PDLIM5: variants seen among roughly 807,000 people sequenced by gnomAD.
PDLIM5 encodes the protein PDZ and LIM domain 5, also known as PDZ and LIM domain protein 5.
PDLIM5 carries 34 observed loss-of-function variants against 64.2 expected under a neutral mutation model. That is an observed-to-expected ratio of 0.53 (90% CI 0.40 to 0.71). PDLIM5 has a LOEUF of 0.71. Ranked by LOEUF, PDLIM5 falls within the 30% of genes least tolerant of loss-of-function variation. The pLI is 0.00. For synonymous variants in PDLIM5, 253 were observed against 269.1 expected, an observed-to-expected ratio of 0.94 and a Z score of 0.59; for missense variants, 683 against 733.6, an observed-to-expected ratio of 0.93 and a Z score of 0.80.
rs117185018 is a variant in PDLIM5 at position 94,521,591 on chromosome 4, G to C, written c.97-2133G>C. Among the ~76,000 whole-genome samples the C allele has an allele frequency of 1.3e-4, 19 of 151,308 alleles. No individual in the cohort carries two copies. In the East Asian group the frequency reaches 3.7e-3, roughly 29 times the overall value. On this transcript the variant is annotated intron_variant, in intron 2 of 12. Coordinates refer to ENST00000317968, the MANE Select transcript of PDLIM5 (RefSeq NM_006457.5). ...CTAAGAAATTGATTTTGAACGTCTT[G>C]AGATGATAGCCTCTCAAGAGATCTA...
intron 2 of PDLIM5, among the ~76,000 whole-genome samples, chr4:94,497,521 AAT>A (rs1727508902): frequency 6.6e-6 from 1 of 152,172 alleles, no homozygotes; most frequent in Non-Finnish European, 1.5e-5. Flanking sequence ...ATTTTGGAAA[AAT>A]AAATTGATTA....
In PDLIM5 at chr4:94,624,130, C is replaced by T. The variant is rs181717834; in HGVS notation, c.1108+5939C>T. ...TTTGAGACCAGCCTGGGCAACATAGCGGGACCCCCATCTCCACAAATTAAA... is the reference window on the plus strand; with the variant it reads ...TTTGAGACCAGCCTGGGCAACATAGTGGGACCCCCATCTCCACAAATTAAA... On this transcript the variant is annotated intron_variant, in intron 8 of 12. Coordinates refer to ENST00000317968, the MANE Select transcript of PDLIM5 (RefSeq NM_006457.5). Among the ~76,000 whole-genome samples the T allele has an allele frequency of 2.6e-4, 39 of 150,562 alleles. No individual in the cohort carries two copies. In the East Asian group the frequency reaches 4.9e-3, roughly 19 times the overall value.
At chr4:94,452,459 C>G (rs1380552576) in intron 1 of PDLIM5, among the ~76,000 whole-genome samples, 1 of 152,204 alleles carries the variant, frequency 6.6e-6, no homozygotes, top group African/African-American at 2.4e-5. Flanking sequence ...GGAAAAGGCG[C>G]GTTAGTTTTT....
chr4:94,586,994 AG>A, intron 7 of PDLIM5: 2 of 1,588,386 alleles, frequency 1.3e-6, no homozygotes, highest in Non-Finnish European at 1.7e-6. Flanking sequence ...CACAGGGAAA[AG>A]ATACCCCTTC....
chr4:94,506,313 G>A (rs980691413), intron 2 of PDLIM5, among the ~76,000 whole-genome samples: 1 of 152,146 alleles, frequency 6.6e-6, no homozygotes, highest in African/African-American at 2.4e-5. Context: ...TGCACGTAAT[G>A]TTCTTGATGT....
At chr4:94,615,928 T>C (rs1738750494) in intron 7 of PDLIM5, among the ~76,000 whole-genome samples, 2 of 152,200 alleles carry the variant, frequency 1.3e-5, no homozygotes, top group Non-Finnish European at 2.9e-5. Context: ...CTAGGTTTTT[T>C]CATAACCTGG....
intron 3 of PDLIM5, among the ~76,000 whole-genome samples, chr4:94,547,526 A>T (rs1732427718): frequency 6.6e-6 from 1 of 152,124 alleles, no homozygotes; most frequent in South Asian, 2.1e-4. Flanking sequence ...CTATTTTAAG[A>T]TCATCTAATT....
intron 3 of PDLIM5, among the ~76,000 whole-genome samples, chr4:94,551,879 G>A (rs528498229): frequency 1.9e-3 from 296 of 152,266 alleles, no homozygotes; most frequent in African/African-American, 6.8e-3. Context: ...TGGAGAAGTG[G>A]AAGAATGTCT....
chr4:94,490,775 A>C lies in PDLIM5; in HGVS notation c.97-32949A>C, dbSNP rs191180514. On this transcript the variant is annotated intron_variant, in intron 2 of 12. Coordinates refer to ENST00000317968, the MANE Select transcript of PDLIM5 (RefSeq NM_006457.5). ...TTATTCAAGAAGTGATGATTCAAGAAGTTAAATAATACTTTTAAATGACAA... is the reference window on the plus strand; with the variant it reads ...TTATTCAAGAAGTGATGATTCAAGACGTTAAATAATACTTTTAAATGACAA... Among the ~76,000 whole-genome samples, 776 of 152,312 alleles carry C rather than the reference A, an allele frequency of 5.1e-3. 5 individuals carry two copies. Among genetic ancestry groups the C allele is most frequent in the African/African-American group, 0.017 (726 of 41,596 alleles).
intron 5 of PDLIM5, among the ~76,000 whole-genome samples, chr4:94,582,197 T>G (rs1436904921): frequency 1.3e-5 from 2 of 152,206 alleles, no homozygotes; most frequent in East Asian, 3.8e-4. Context: ...GCTATTAATA[T>G]ATACTTCTGT....
intron 2 of PDLIM5, among the ~76,000 whole-genome samples, chr4:94,487,463 A>G (rs1374431780): frequency 6.6e-6 from 1 of 152,194 alleles, no homozygotes; most frequent in Non-Finnish European, 1.5e-5. Context: ...TGGCATCCAG[A>G]TATGTTCTTC....
chr4:94,602,218 T>C lies in PDLIM5; in HGVS notation c.920+15774T>C, dbSNP rs113590248. On this transcript the variant is annotated intron_variant, in intron 7 of 12. Transcript: ENST00000317968. ...GGGTATGTAATAAGTCACTAGTCTATTTGATCATTTTATCATATTTATATT... is the reference window on the plus strand; with the variant it reads ...GGGTATGTAATAAGTCACTAGTCTACTTGATCATTTTATCATATTTATATT... Among the ~76,000 whole-genome samples the C allele has an allele frequency of 4.0e-3, 611 of 152,274 alleles. 6 individuals are homozygous for C. The highest frequency in any genetic ancestry group is 0.014 in the African/African-American group (576 of 41,552).
At position 94,649,089 on chromosome 4, in the gene PDLIM5, C is replaced by T. The variant is rs182661198; in HGVS notation, c.1284-5371C>T. Among the ~76,000 whole-genome samples, 194 of 152,172 alleles carry T rather than the reference C, an allele frequency of 1.3e-3. 1 individual carries two copies. The highest frequency in any genetic ancestry group is 0.01 in the Middle Eastern group (3 of 294). The stretch of plus-strand genomic sequence containing the variant: ...CTCCTGGGTTCAAGCGATTCCCCTG[C>T]CTCAGCCTCCCGAATAGCTAAGACC... On this transcript the variant is annotated intron_variant, in intron 9 of 12. Coordinates refer to ENST00000317968, the MANE Select transcript of PDLIM5 (RefSeq NM_006457.5).
chr4:94,589,575 A>G (rs1736511625), intron 7 of PDLIM5, among the ~76,000 whole-genome samples: 1 of 152,192 alleles, frequency 6.6e-6, no homozygotes, highest in South Asian at 2.1e-4. Context: ...AGCTTCTTGC[A>G]AAAATATTAT....
intron 8 of PDLIM5, among the ~76,000 whole-genome samples, chr4:94,635,815 G>A (rs1205380631): frequency 6.6e-6 from 1 of 152,186 alleles, no homozygotes; most frequent in East Asian, 1.9e-4. Context: ...GAGAAATTCA[G>A]TCTGAAGAAA....
chr4:94,501,653 A>G (rs1727930986), intron 2 of PDLIM5, among the ~76,000 whole-genome samples: 2 of 152,204 alleles, frequency 1.3e-5, no homozygotes. Flanking sequence ...TTAGCCTGAA[A>G]CAGATTGGAG....
intron 10 of PDLIM5, among the ~76,000 whole-genome samples, chr4:94,655,835 G>A (rs1326795101): frequency 6.6e-6 from 1 of 152,156 alleles, no homozygotes; most frequent in Non-Finnish European, 1.5e-5. Context: ...TGTCTAGATT[G>A]TATTTTAGTT....
chr4:94,610,289 T>C (rs1357347796), intron 7 of PDLIM5: 1 of 1,516,984 alleles, frequency 6.6e-7, no homozygotes, highest in Non-Finnish European at 8.8e-7. Flanking sequence ...TCTGCTGTTA[T>C]TGCTACAAAA....
chr4:94,498,997 A>G (rs938802392), intron 2 of PDLIM5, among the ~76,000 whole-genome samples: 1 of 152,220 alleles, frequency 6.6e-6, no homozygotes, highest in African/African-American at 2.4e-5. Flanking sequence ...GTGAATCACA[A>G]ATTATTTTAT....
Sources: gnomAD v4.1 joint callset for allele counts (sites outside exome capture counted in the v4.1 genomes callset) on GRCh38, gnomAD v4.1.1 for gene constraint, MANE v1.5 for transcripts, NCBI Gene and HGNC (gene_info 2026-07-23, HGNC 2026-07-21) for gene names.